The following JAKMIP3 variants were observed in gnomAD, a reference collection of about 807,000 sequenced individuals.
JAKMIP3 encodes Janus kinase and microtubule interacting protein 3.
In JAKMIP3, 58 loss-of-function variants were observed where a neutral mutation model predicts 118.5. The ratio of observed to expected loss-of-function variants is 0.49; its 90% CI spans 0.40 to 0.61. The LOEUF (loss-of-function observed/expected upper bound fraction) is 0.61. Among genes scored for constraint, JAKMIP3 ranks in the 20% least tolerant of loss-of-function variants. The pLI, the probability that JAKMIP3 is intolerant of heterozygous loss-of-function variation, is 0.00. For missense variants in JAKMIP3, 950 were observed against 1,109.0 expected, an observed-to-expected ratio of 0.86 and a Z score of 2.04; for synonymous variants, 486 against 451.2, an observed-to-expected ratio of 1.08 and a Z score of -0.98.
At position 132,180,638 on chromosome 10, in the gene JAKMIP3, CGTGTGTGCGTGT is replaced by C. The variant is rs1485059396; in HGVS notation, c.*1104-1717_*1104-1706del. On this transcript the variant is annotated intron_variant, in intron 23 of 23. Coordinates refer to ENST00000684848, the MANE Select transcript of JAKMIP3 (RefSeq NM_001323087.2). The stretch of plus-strand genomic sequence containing the variant: ...GTGCGTGTGTGTGCGTGTGTGCGTG[CGTGTGTGCGTGT>C]GCGTGTGCGTGTGTGCGTGTGTGTG... Among the ~76,000 whole-genome samples, 5 of 9,376 alleles carry C rather than the reference CGTGTGTGCGTGT, an allele frequency of 5.3e-4. 1 individual carries two copies. The highest frequency in any genetic ancestry group is 7.5e-4 in the Non-Finnish European group (4 of 5,308). The allele number at this position is 9,376 out of a possible 152,430, so 6.2% of individuals were successfully genotyped here. A position where few individuals can be genotyped will look rare whatever the true frequency, so the allele number is the denominator to read the frequency against.
At chr10:132,070,629 G>C (rs1486578407) in intron 1 of JAKMIP3, among the ~76,000 whole-genome samples, 3 of 152,146 alleles carry the variant, frequency 2.0e-5, no homozygotes, top group Admixed American at 6.5e-5. Flanking sequence ...AAAGGGGAGG[G>C]GAGTCCAGCT....
At chr10:132,074,003 G>GTTCCA (rs149488757) in intron 1 of JAKMIP3, among the ~76,000 whole-genome samples, 3 of 51,890 alleles carry the variant, frequency 5.8e-5, no homozygotes, top group Admixed American at 6.5e-4. Flanking sequence ...GCGTACAAGA[G>GTTCCA]TTCCCTTTTG....
upstream of JAKMIP3, among the ~76,000 whole-genome samples, chr10:132,063,948 G>A (rs1445535215): frequency 2.6e-5 from 4 of 152,188 alleles, no homozygotes; most frequent in African/African-American, 9.7e-5. Context: ...AACAAATAAT[G>A]TGATCATACT....
chr10:132,115,245 G>A (rs2047454685), intron 2 of JAKMIP3, among the ~76,000 whole-genome samples: 2 of 97,760 alleles, frequency 2.0e-5, no homozygotes, highest in African/African-American at 8.3e-5. Flanking sequence ...ATCGCGGCTA[G>A]GGGTCACCCT....
In JAKMIP3 at chr10:132,104,776, C is replaced by G. The variant is rs532786712; in HGVS notation, c.-33C>G. 13 of 1,544,674 alleles carry G rather than the reference C, an allele frequency of 8.4e-6. No homozygotes were observed. The highest frequency in any genetic ancestry group is 2.0e-5 in the Admixed American group (1 of 50,862). ...GCCCAGCCCAGCCGGAGCACCCTACCCCTGGGCATCCCCCTGGCCATCCAG... is the reference window on the plus strand; with the variant it reads ...GCCCAGCCCAGCCGGAGCACCCTACGCCTGGGCATCCCCCTGGCCATCCAG... On this transcript the variant is annotated 5_prime_UTR_variant, in exon 2 of 24. Transcript: ENST00000684848.
intron 11 of JAKMIP3, chr10:132,144,083 C>T (rs1489529567): frequency 6.6e-6 from 1 of 150,782 alleles, no homozygotes; most frequent in Non-Finnish European, 1.5e-5. Flanking sequence ...ACCCTGCGTC[C>T]TGTCCCGAAA....
rs1401556589 is a variant in JAKMIP3 at position 132,167,144 on chromosome 10, C to G, written c.*22+89C>G. Reference sequence around the variant, plus strand: ...CCCTGCCCTGCCAGGGAGTTGCCCACCTGCCATTCGATCAACTGGAAGGCG... The same window carrying G: ...CCCTGCCCTGCCAGGGAGTTGCCCAGCTGCCATTCGATCAACTGGAAGGCG... On this transcript the variant is annotated intron_variant, in intron 22 of 23. Transcript: ENST00000684848. 9 of 899,118 alleles carry G rather than the reference C, an allele frequency of 1.0e-5. No homozygotes were observed. The East Asian group carries it at 1.9e-4, about 19-fold the overall frequency. The allele number at this position is 899,118 out of a possible 1,614,324, so 55.7% of individuals were successfully genotyped here. A position where few individuals can be genotyped will look rare whatever the true frequency, so the allele number is the denominator to read the frequency against.
In JAKMIP3 at chr10:132,079,150, C is replaced by T. The variant is rs539599745; in HGVS notation, c.-138+13089C>T. 1.6e-4 allele frequency among the ~76,000 whole-genome samples: 13 copies of T among 81,840 alleles called. No individual in the cohort carries two copies. The East Asian group carries it at 0.03, about 190-fold the overall frequency. The allele number at this position is 81,840 out of a possible 152,430, so 53.7% of individuals were successfully genotyped here. ...GCAACGTGGGCACCTGGCCTGGGAG[C>T]GGACGGCCCAGCCCCACAGCGCTGG... On this transcript the variant is annotated intron_variant, in intron 1 of 23. Transcript: ENST00000684848.
intron 1 of JAKMIP3, among the ~76,000 whole-genome samples, chr10:132,054,724 G>A (rs760002869): frequency 2.6e-5 from 4 of 152,234 alleles, no homozygotes; most frequent in Non-Finnish European, 4.4e-5. Context: ...GTGAGCTGAA[G>A]TCAGGAATAG....
intron 1 of JAKMIP3, among the ~76,000 whole-genome samples, chr10:132,087,891 T>A (rs1197958441): frequency 6.6e-6 from 1 of 152,076 alleles, no homozygotes; most frequent in African/African-American, 2.4e-5. Context: ...CGGTGTGTGA[T>A]GTTCCCCTTC....
intron 1 of JAKMIP3, among the ~76,000 whole-genome samples, chr10:132,041,301 T>C (rs1046102114): frequency 3.3e-5 from 5 of 152,180 alleles, no homozygotes; most frequent in African/African-American, 9.7e-5. Context: ...CTGGAGTGCA[T>C]ATGTTTCAGG....
Position 132,104,937 on chromosome 10 carries a change from G to A in JAKMIP3, c.129G>A (p.Lys43=). 1 of 1,590,166 alleles carries A rather than the reference G, an allele frequency of 6.3e-7. No individual in the cohort carries two copies. Among genetic ancestry groups the A allele is most frequent in the South Asian group, 1.1e-5 (1 of 87,016 alleles). The change falls in exon 2 of 24, where the codon AAG becomes AAA. Residue 43 remains lysine (K), a synonymous_variant. Coordinates refer to ENST00000684848, the MANE Select transcript of JAKMIP3 (RefSeq NM_001323087.2). ...TCCAGATCGAGCTGCAGCAGGAGAA[G>A]AGCAAGGTGGGCGCTCCCCAGACCT... The part of the protein sequence containing the change: ...TDIQIELQQE[K]SKVSKVEREK...
At chr10:132,059,539 C>T (rs2038335352) in intron 1 of JAKMIP3, among the ~76,000 whole-genome samples, 1 of 152,226 alleles carries the variant, frequency 6.6e-6, no homozygotes, top group Non-Finnish European at 1.5e-5. Flanking sequence ...AGGCTCTGTC[C>T]CTTTGTGGGG....
In JAKMIP3 at chr10:132,180,752, C is replaced by CGTGTGTGT. The variant is rs1301580781; in HGVS notation, c.*1104-1598_*1104-1597insTGTGTGTG. 5.1e-4 allele frequency among the ~76,000 whole-genome samples: 7 copies of CGTGTGTGT among 13,682 alleles called. 2 individuals carry two copies. The highest frequency in any genetic ancestry group is 1.1e-3 in the African/African-American group (4 of 3,766). The allele number at this position is 13,682 out of a possible 152,430, so 9.0% of individuals were successfully genotyped here. On this transcript the variant is annotated intron_variant, in intron 23 of 23. Coordinates refer to ENST00000684848, the MANE Select transcript of JAKMIP3 (RefSeq NM_001323087.2). ...GTGCGTGTGTGCGTGCGTGCGCGCG[C>CGTGTGTGT]GTGTGTGCGTGTGTGTGCGTGTGTG...
chr10:132,130,714 G>T (rs979933011), intron 3 of JAKMIP3, among the ~76,000 whole-genome samples: 2 of 152,230 alleles, frequency 1.3e-5, no homozygotes, highest in African/African-American at 2.4e-5. Flanking sequence ...GACCATGCTG[G>T]GGGTGATGAC....
At chr10:132,141,103 G>T (rs2053424703) in intron 10 of JAKMIP3, among the ~76,000 whole-genome samples, 1 of 152,232 alleles carries the variant, frequency 6.6e-6, no homozygotes, top group Non-Finnish European at 1.5e-5. Flanking sequence ...ACCAGGTCGG[G>T]GCTTGGTGTT....
intron 1 of JAKMIP3, among the ~76,000 whole-genome samples, chr10:132,078,967 C>G (rs2041324697): frequency 6.6e-6 from 1 of 152,252 alleles, no homozygotes; most frequent in South Asian, 2.1e-4. Flanking sequence ...AGGCGCAGCG[C>G]AGGGCTGGTG....
Position 132,145,563 on chromosome 10 carries a change from C to T in JAKMIP3, c.1732C>T (p.Gln578Ter). The T allele has an allele frequency of 2.6e-6, 4 of 1,564,604 alleles. No homozygotes were observed. The highest frequency in any genetic ancestry group is 3.5e-6 in the Non-Finnish European group (4 of 1,154,686). ...GAAGCAGGCACTGTACCGGAGAAAT[C>T]AAGAGCTTGTGGAAAAGGTGAGCCC... ...EEKQALYRRNQELVEKIKQME... is the reference protein window; with the variant it reads ...EEKQALYRRN Residue 578 changes from glutamine (Q) to a stop codon, truncating the protein, a stop_gained, in exon 13 of 24, where the codon CAA becomes TAA. Coordinates refer to ENST00000684848, the MANE Select transcript of JAKMIP3 (RefSeq NM_001323087.2). LOFTEE classifies it high-confidence loss of function.
intron 3 of JAKMIP3, among the ~76,000 whole-genome samples, chr10:132,131,028 C>T (rs889960129): frequency 3.3e-5 from 5 of 151,940 alleles, no homozygotes; most frequent in African/African-American, 1.2e-4. Context: ...GGAGGGGCAT[C>T]TTCTCTCCTC....
Sources: gnomAD v4.1 joint callset for allele counts (sites outside exome capture counted in the v4.1 genomes callset) on GRCh38, gnomAD v4.1.1 for gene constraint, MANE v1.5 for transcripts, NCBI Gene and HGNC (gene_info 2026-07-23, HGNC 2026-07-21) for gene names.